Variants in GALC observed in about 807,000 individuals in gnomAD.
GALC encodes galactocerebrosidase.
In GALC, 77 loss-of-function variants were observed where a neutral mutation model predicts 91.8. The ratio of observed to expected loss-of-function variants is 0.84; its 90% CI spans 0.70 to 1.01. The LOEUF (loss-of-function observed/expected upper bound fraction) is 1.01, where lower values mean the gene tolerates loss of function less well. GALC is among the 50% of genes least tolerant of loss of function. The pLI is 0.00. For missense variants in GALC, 882 were observed against 855.9 expected (o/e 1.03, Z -0.38); for synonymous variants, 357 against 306.7 (o/e 1.16, Z -1.71).
At chr14:87,953,644 A>G in intron 10 of GALC, 1 of 1,609,704 alleles carries the variant, frequency 6.2e-7, no homozygotes, top group Non-Finnish European at 8.5e-7. Context: ...CTCTGAAGAT[A>G]AAGTGGGCCA....
chr14:87,949,955 A>G (rs1443790130), intron 11 of GALC, 24 bp from the exon 12 acceptor site: 1 of 1,185,280 alleles, frequency 8.4e-7, no homozygotes, highest in Non-Finnish European at 1.3e-6. Context: ...ACAAAAAAGC[A>G]TGGCTGAGTA....
At chr14:87,967,245 A>G (rs920283765) in intron 8 of GALC, among the ~76,000 whole-genome samples, 45 of 152,228 alleles carry the variant, frequency 3.0e-4, no homozygotes, top group African/African-American at 1.1e-3. Flanking sequence ...TTTAAAATGT[A>G]TACATGCCAA....
chr14:87,934,232 C>T lies in GALC; in HGVS notation c.*500G>A. ...AAAAAATACTTTTTAGAGCATAAAG[C>T]ATAACAGGTTGAAGTGGTTTTCAAA... On this transcript the variant is annotated 3_prime_UTR_variant, in exon 17 of 17. Coordinates refer to ENST00000261304, the MANE Select transcript of GALC (RefSeq NM_000153.4). 9 of 1,372,562 alleles carry T rather than the reference C, an allele frequency of 6.6e-6. No individual in the cohort carries two copies. Among genetic ancestry groups the T allele is most frequent in the Non-Finnish European group, 7.5e-6 (8 of 1,063,992 alleles). The allele number at this position is 1,372,562 out of a possible 1,614,324, so 85.0% of individuals were successfully genotyped here. A position where few individuals can be genotyped will look rare whatever the true frequency, so the allele number is the denominator to read the frequency against.
intron 11 of GALC, 86 bp from the exon 12 acceptor site, chr14:87,950,017 A>G: frequency 1.3e-6 from 1 of 742,470 alleles, no homozygotes; most frequent in South Asian, 1.5e-5. Flanking sequence ...GCAAGAATGT[A>G]CCAATGACAA....
intron 1 of GALC, chr14:87,992,754 A>T (rs533427947): frequency 7.0e-7 from 1 of 1,419,540 alleles, no homozygotes; most frequent in Non-Finnish European, 9.2e-7. Flanking sequence ...CATTTGTTCA[A>T]ACCTAACTGC....
chr14:87,971,541 T>G (rs896603801), intron 7 of GALC, among the ~76,000 whole-genome samples: 2 of 152,044 alleles, frequency 1.3e-5, no homozygotes, highest in African/African-American at 4.8e-5. Flanking sequence ...ATAAAACACA[T>G]AAATGGAAAA....
At chr14:87,935,314 T>G (rs1292459843) in intron 16 of GALC, among the ~76,000 whole-genome samples, 4 of 152,124 alleles carry the variant, frequency 2.6e-5, no homozygotes, top group Admixed American at 2.0e-4. Context: ...TCTACCTCAT[T>G]GCTTCCTTAA....
intron 10 of GALC, chr14:87,955,276 G>T: frequency 1.4e-6 from 1 of 725,962 alleles, no homozygotes; most frequent in Non-Finnish European, 2.4e-6. Context: ...GTAAATAAAC[G>T]ATAGGGTTTT....
intron 3 of GALC, chr14:87,986,958 G>A (rs1013148079): frequency 1.1e-5 from 5 of 441,898 alleles, no homozygotes; most frequent in Non-Finnish European, 2.2e-5. Context: ...CCAACTTTAA[G>A]TTCTGATTAC....
At chr14:87,975,621 G>A (rs894958041) in intron 7 of GALC, among the ~76,000 whole-genome samples, 3 of 151,982 alleles carry the variant, frequency 2.0e-5, no homozygotes, top group Admixed American at 1.3e-4. Flanking sequence ...GAGGTTGAGT[G>A]ATAAGAACAT....
chr14:87,985,484 T>C (rs941595022), intron 4 of GALC, among the ~76,000 whole-genome samples: 13 of 152,184 alleles, frequency 8.5e-5, no homozygotes, highest in African/African-American at 3.1e-4. Context: ...TTAAATGAGG[T>C]CTGACCTTGG....
At chr14:87,953,292 AG>A in intron 10 of GALC, 1 of 1,483,728 alleles carries the variant, frequency 6.7e-7, no homozygotes, top group East Asian at 2.3e-5. Flanking sequence ...CTATAAATAA[AG>A]GGAATGTAAA....
At chr14:87,965,183 A>G (rs1446155103) in intron 9 of GALC, among the ~76,000 whole-genome samples, 1 of 152,162 alleles carries the variant, frequency 6.6e-6, no homozygotes, top group African/African-American at 2.4e-5. Flanking sequence ...TTATAAATAC[A>G]TAATCTTATT....
chr14:87,952,544 A>C (rs1012689369), intron 10 of GALC: 3 of 857,970 alleles, frequency 3.5e-6, no homozygotes, highest in African/African-American at 3.3e-5. Context: ...CTCCACTAAA[A>C]ATGACAGTAT....
At position 87,981,812 on chromosome 14, in the gene GALC, A is replaced by T. The variant is rs1273015728; in HGVS notation, c.621+393T>A. On this transcript the variant is annotated intron_variant, in intron 6 of 16. Coordinates refer to ENST00000261304, the MANE Select transcript of GALC (RefSeq NM_000153.4). ...TGTACTATAACACACTCCAATAGAA[A>T]ACAAGAATTAGAATATATGCCATAA... Among the ~76,000 whole-genome samples, 4 of 152,182 alleles carry T rather than the reference A, an allele frequency of 2.6e-5. No individual in the cohort carries two copies. In the East Asian group the frequency reaches 7.7e-4, roughly 29 times the overall value.
intron 10 of GALC, among the ~76,000 whole-genome samples, chr14:87,958,488 A>G (rs1408477135): frequency 6.6e-6 from 1 of 152,218 alleles, no homozygotes; most frequent in Non-Finnish European, 1.5e-5. Context: ...AATAGAAAAC[A>G]CAACCATAAA....
At chr14:87,939,711 G>T (rs961378446) in intron 16 of GALC, among the ~76,000 whole-genome samples, 194 bp downstream of exon 16, 1 of 151,776 alleles carries the variant, frequency 6.6e-6, no homozygotes, top group African/African-American at 2.4e-5. Context: ...AAAGTCAACT[G>T]CTGATGGTTC....
At chr14:87,981,786 A>G (rs1316689219) in intron 6 of GALC, among the ~76,000 whole-genome samples, 1 of 151,170 alleles carries the variant, frequency 6.6e-6, no homozygotes, top group Non-Finnish European at 1.5e-5. Context: ...AAAGAGAAAC[A>G]TGTACTATAA....
chr14:87,965,096 A>G (rs1178573768), intron 9 of GALC, among the ~76,000 whole-genome samples: 7 of 152,312 alleles, frequency 4.6e-5, no homozygotes, highest in African/African-American at 1.7e-4. Context: ...TTTTGCTAGC[A>G]TACGATTGTA....
Sources: allele counts gnomAD v4.1 joint callset (sites outside exome capture counted in the v4.1 genomes callset), GRCh38; gene constraint gnomAD v4.1.1; transcripts MANE v1.5; gene names NCBI Gene and HGNC (gene_info 2026-07-23, HGNC 2026-07-21).